RNF220: variants seen among roughly 807,000 people sequenced by gnomAD.
RNF220 encodes the protein E3 ubiquitin-protein ligase RNF220.
In RNF220, 7 loss-of-function variants were observed where a neutral mutation model predicts 67.1. That is an observed-to-expected ratio of 0.10 (90% confidence interval 0.06 to 0.20). RNF220 has a LOEUF of 0.20. Ranked by LOEUF, RNF220 falls within the 10% of genes least tolerant of loss-of-function variation. RNF220 has a pLI of 1.00. For missense variants in RNF220, 565 were observed against 740.3 expected, an observed-to-expected ratio of 0.76 and a Z score of 2.75; for synonymous variants, 270 against 283.2, an observed-to-expected ratio of 0.95 and a Z score of 0.47.
rs1237930543 is a variant in RNF220, at chr1:44,417,773, G to T, written c.625+5051G>T. 6.6e-6 allele frequency among the ~76,000 whole-genome samples: 1 copy of T among 152,178 alleles called. No individual in the cohort carries two copies. The highest frequency in any genetic ancestry group is 1.5e-5 in the Non-Finnish European group (1 of 68,018). ...TCTGGGGGAGGGGGCGCGGAGAGGC[G>T]CGAGAACTGGCCCCGGGGAGGCCAG... On this transcript the variant is annotated intron_variant, in intron 2 of 14. Coordinates refer to ENST00000361799, the MANE Select transcript of RNF220 (RefSeq NM_018150.4). This position sits in a 1 kb window ranked among gnomAD's most constrained non-coding sequence, Gnocchi z 4.0.
At chr1:44,517,729 G>A (rs1347526991) in intron 2 of RNF220, among the ~76,000 whole-genome samples, 3 of 152,178 alleles carry the variant, frequency 2.0e-5, no homozygotes, top group Admixed American at 2.0e-4. Context: ...GCACTTAAAT[G>A]TTATATTTTA....
chr1:44,498,230 A>T (rs1447048747), intron 2 of RNF220, among the ~76,000 whole-genome samples: 1 of 152,204 alleles, frequency 6.6e-6, no homozygotes, highest in East Asian at 1.9e-4. Flanking sequence ...CCATTGGCAG[A>T]TGTGTGGTGT....
At chr1:44,593,911 C>G (rs1416431180) in intron 2 of RNF220, among the ~76,000 whole-genome samples, 1 of 151,300 alleles carries the variant, frequency 6.6e-6, no homozygotes, top group African/African-American at 2.4e-5. Flanking sequence ...ATGGTGAAAC[C>G]CTGACTCTAC....
intron 5 of RNF220, among the ~76,000 whole-genome samples, chr1:44,627,501 A>G (rs1255343869): frequency 6.6e-6 from 1 of 152,112 alleles, no homozygotes; most frequent in Non-Finnish European, 1.5e-5. Context: ...CAGTCCTACA[A>G]TATCATAGCA....
chr1:44,547,086 G>A (rs2148242448), intron 2 of RNF220, among the ~76,000 whole-genome samples: 1 of 152,324 alleles, frequency 6.6e-6, no homozygotes, highest in Non-Finnish European at 1.5e-5. Flanking sequence ...ATTAGGCCCT[G>A]GGAATCTGTG....
chr1:44,519,965 A>G (rs1475805828), intron 2 of RNF220, among the ~76,000 whole-genome samples: 3 of 152,134 alleles, frequency 2.0e-5, no homozygotes, highest in African/African-American at 4.8e-5. Flanking sequence ...AAGATAACTC[A>G]GGGCTAGTGT....
At chr1:44,636,412 A>G (rs1262687900) in intron 8 of RNF220, 2 of 721,420 alleles carry the variant, frequency 2.8e-6, no homozygotes, top group Middle Eastern at 2.3e-4. Flanking sequence ...GGGGGCTCTC[A>G]GCTTCGGGTG....
chr1:44,532,394 T>C (rs1169681640), intron 2 of RNF220, among the ~76,000 whole-genome samples: 2 of 152,252 alleles, frequency 1.3e-5, no homozygotes, highest in East Asian at 3.8e-4. Flanking sequence ...TTTATTGTTA[T>C]CCTTACTTCT....
chr1:44,458,970 C>T (rs1339035562), intron 2 of RNF220, among the ~76,000 whole-genome samples: 1 of 152,180 alleles, frequency 6.6e-6, no homozygotes, highest in Non-Finnish European at 1.5e-5. Context: ...GGACGACAGC[C>T]TCTACCTTGC....
In RNF220 at chr1:44,459,302, C is replaced by G. The variant is rs141152267; in HGVS notation, c.625+46580C>G. ...TAATCCAGCACTGCCTTTGACGCTTCCATTTCTTCCCAACCTCTCAGCCTT... is the reference window on the plus strand; with the variant it reads ...TAATCCAGCACTGCCTTTGACGCTTGCATTTCTTCCCAACCTCTCAGCCTT... On this transcript the variant is annotated intron_variant, in intron 2 of 14. Coordinates refer to ENST00000361799, the MANE Select transcript of RNF220 (RefSeq NM_018150.4). Among the ~76,000 whole-genome samples the G allele has an allele frequency of 9.5e-4, 144 of 152,080 alleles. No homozygotes were observed. The Middle Eastern group carries it at 0.014, about 14-fold the overall frequency.
chr1:44,645,466 T>C lies in RNF220; in HGVS notation c.1423T>C (p.Cys475Arg), dbSNP rs1644613379. The change falls in exon 12 of 15, where the codon TGC (cysteine) becomes CGC (arginine). Residue 475 changes from cysteine (C) to arginine (R), a missense_variant. Transcript: ENST00000361799. The surrounding 1 kb of genome is among the most constrained non-coding windows in gnomAD (Gnocchi z 5.0). ...CAAGCAGGAGGCCATGCAGAAGACC[T>C]GCAAGAACAGCGACATCGAGAAGTA... ...SSKQEAMQKT[C>R]KNSDIEKITE... The C allele has an allele frequency of 6.2e-7, 1 of 1,613,980 alleles. No homozygotes were observed. The highest frequency in any genetic ancestry group is 8.5e-7 in the Non-Finnish European group (1 of 1,179,994).
chr1:44,425,250 C>T (rs1256390873), intron 2 of RNF220, among the ~76,000 whole-genome samples: 1 of 152,038 alleles, frequency 6.6e-6, no homozygotes, highest in African/African-American at 2.4e-5. Flanking sequence ...GTATTTTTCC[C>T]CCAACATAAT....
chr1:44,409,193 G>A (rs959326238), intron 1 of RNF220, among the ~76,000 whole-genome samples: 1 of 150,036 alleles, frequency 6.7e-6, no homozygotes, highest in Non-Finnish European at 1.5e-5. Flanking sequence ...TGTGATTTAA[G>A]AAACAAACAA....
At chr1:44,494,564 A>G (rs2148062928) in intron 2 of RNF220, among the ~76,000 whole-genome samples, 1 of 152,082 alleles carries the variant, frequency 6.6e-6, no homozygotes, top group East Asian at 1.9e-4. Flanking sequence ...TAGATTACTA[A>G]TATGCAGTGA....
intron 2 of RNF220, among the ~76,000 whole-genome samples, chr1:44,493,471 G>A (rs1657043287): frequency 6.6e-6 from 1 of 152,090 alleles, no homozygotes; most frequent in Non-Finnish European, 1.5e-5. Flanking sequence ...CCAAGATCGT[G>A]CCATTGCACT....
Position 44,605,229 on chromosome 1 carries a change from G to A in RNF220, c.626-8936G>A, listed in dbSNP as rs543695064. Among the ~76,000 whole-genome samples, 8 of 150,656 alleles carry A rather than the reference G, an allele frequency of 5.3e-5. No homozygotes were observed. In the East Asian group the frequency reaches 1.6e-3, roughly 29 times the overall value. The stretch of plus-strand genomic sequence containing the variant: ...CAGGATAATCACTTGAACGCAGGAG[G>A]CAGAGGTTGCAGTGAGCTGAGATCA... On this transcript the variant is annotated intron_variant, in intron 2 of 14. Coordinates refer to ENST00000361799, the MANE Select transcript of RNF220 (RefSeq NM_018150.4).
chr1:44,557,658 T>C (rs1394544004), intron 2 of RNF220, among the ~76,000 whole-genome samples: 1 of 152,232 alleles, frequency 6.6e-6, no homozygotes, highest in African/African-American at 2.4e-5. Context: ...AATTCATTTA[T>C]GTTTTCTGCT....
chr1:44,564,210 C>G (rs192234023), intron 2 of RNF220, among the ~76,000 whole-genome samples: 36 of 152,290 alleles, frequency 2.4e-4, no homozygotes, highest in Admixed American at 2.1e-3. Context: ...TTCCCCCCTC[C>G]CTTCTACCTT....
chr1:44,645,162 C>T lies in RNF220; in HGVS notation c.1311-59C>T, dbSNP rs1573187243. 1 of 1,612,352 alleles carries T rather than the reference C, an allele frequency of 6.2e-7. No individual in the cohort carries two copies. Among genetic ancestry groups the T allele is most frequent in the Non-Finnish European group, 8.5e-7 (1 of 1,178,386 alleles). On this transcript the variant is annotated intron_variant, in intron 10 of 14. Transcript: ENST00000361799. The surrounding 1 kb of genome is among the most constrained non-coding windows in gnomAD (Gnocchi z 5.0). ...CAGGGGTTAACGCAGTACTGACCCT[C>T]AGGGCTGTCCTGCCCGCCTTCAGGC... is the stretch of plus-strand genomic sequence containing the variant.
Sources: allele counts gnomAD v4.1 joint callset (sites outside exome capture counted in the v4.1 genomes callset), GRCh38; gene constraint gnomAD v4.1.1; non-coding constraint Gnocchi (gnomAD v3.1); transcripts MANE v1.5; gene names NCBI Gene and HGNC (gene_info 2026-07-23, HGNC 2026-07-21).